The following MATCAP2 variants were observed in gnomAD, a reference collection of about 807,000 sequenced individuals.
MATCAP2 encodes microtubule associated tyrosine carboxypeptidase 2, also known as putative tyrosine carboxypeptidase MATCAP2.
At chr7:36,372,085 A>C in the MATCAP2 span, among the ~76,000 whole-genome samples, 14 of 152,206 alleles carry the variant, frequency 9.2e-5, no homozygotes, top group South Asian at 1.5e-3. Flanking sequence ...CTGAAAAAAA[A>C]AAAGTTTAAT....
At chr7:36,336,721 T>G in the MATCAP2 span, among the ~76,000 whole-genome samples, 1 of 151,486 alleles carries the variant, frequency 6.6e-6, no homozygotes, top group Non-Finnish European at 1.5e-5. Context: ...AAAAAAAAAA[T>G]TTCAGAATTT....
the MATCAP2 span, among the ~76,000 whole-genome samples, chr7:36,369,718 C>T: frequency 6.6e-6 from 1 of 152,030 alleles, no homozygotes; most frequent in African/African-American, 2.4e-5. Context: ...GATACCTATC[C>T]TCAAGGACAG....
At chr7:36,337,518 A>G in the MATCAP2 span, 1 of 152,230 alleles carries the variant, frequency 6.6e-6, no homozygotes, top group Non-Finnish European at 1.5e-5. Context: ...CATGTCATAT[A>G]AAGTCTGTAG....
At chr7:36,332,208 T>C in the MATCAP2 span, among the ~76,000 whole-genome samples, 2 of 152,058 alleles carry the variant, frequency 1.3e-5, no homozygotes, top group Non-Finnish European at 2.9e-5. Context: ...AAAGGCAACA[T>C]GGAAGCCCTG....
At chr7:36,388,335 C>T in the MATCAP2 span, among the ~76,000 whole-genome samples, 2 of 151,558 alleles carry the variant, frequency 1.3e-5, no homozygotes, top group Non-Finnish European at 2.9e-5. Flanking sequence ...ACCGATTTGG[C>T]TAACTGGGTG....
chr7:36,350,456 G>A, the MATCAP2 span, among the ~76,000 whole-genome samples: 1 of 151,900 alleles, frequency 6.6e-6, no homozygotes. Context: ...TGGTGAATCA[G>A]AGGTAGCAAA....
the MATCAP2 span, chr7:36,335,271 C>G: frequency 1.7e-6 from 2 of 1,194,648 alleles, no homozygotes; most frequent in Non-Finnish European, 2.4e-6. Flanking sequence ...TGTAAATTAA[C>G]ACTGTTTTTT....
At chr7:36,346,007 A>G in the MATCAP2 span, among the ~76,000 whole-genome samples, 203 of 152,334 alleles carry the variant, frequency 1.3e-3, no homozygotes, top group Middle Eastern at 0.014. Context: ...AAAATTGGCA[A>G]AGGATCTGAA....
the MATCAP2 span, among the ~76,000 whole-genome samples, chr7:36,334,451 A>G: frequency 6.8e-6 from 1 of 146,896 alleles, no homozygotes; most frequent in Non-Finnish European, 1.5e-5. Flanking sequence ...GAAGAGGATC[A>G]CTTAAGCCTG....
chr7:36,348,245 G>A, the MATCAP2 span, among the ~76,000 whole-genome samples: 1 of 152,104 alleles, frequency 6.6e-6, no homozygotes, highest in Non-Finnish European at 1.5e-5. Context: ...TTGCTTCCTG[G>A]TAGCAAATTA....
chr7:36,376,035 A>G, the MATCAP2 span, among the ~76,000 whole-genome samples: 1 of 152,136 alleles, frequency 6.6e-6, no homozygotes, highest in East Asian at 1.9e-4. Flanking sequence ...TTTTCAAAAA[A>G]CCAGCTCCTG....
At chr7:36,366,858 C>A in the MATCAP2 span, 1 of 1,499,874 alleles carries the variant, frequency 6.7e-7, no homozygotes, top group Non-Finnish European at 8.8e-7. Flanking sequence ...GAGCCCCGGG[C>A]GGCGGGACCC....
chr7:36,338,192 T>C, the MATCAP2 span, among the ~76,000 whole-genome samples: 1 of 152,198 alleles, frequency 6.6e-6, no homozygotes, highest in Non-Finnish European at 1.5e-5. Flanking sequence ...TGGGGGTAAA[T>C]TCTGCATCTG....
chr7:36,333,322 TGAAAA>T, the MATCAP2 span, among the ~76,000 whole-genome samples: 825 of 152,220 alleles, frequency 5.4e-3, 6 homozygotes, highest in African/African-American at 0.019. Flanking sequence ...AATCTAGAGA[TGAAAA>T]GAACACCAAA....
At chr7:36,353,264 G>A in the MATCAP2 span, among the ~76,000 whole-genome samples, 1 of 152,126 alleles carries the variant, frequency 6.6e-6, no homozygotes, top group Non-Finnish European at 1.5e-5. Flanking sequence ...GGGCGACAGA[G>A]CAAGACCCTG....
At chr7:36,352,179 T>G in the MATCAP2 span, among the ~76,000 whole-genome samples, 1 of 151,922 alleles carries the variant, frequency 6.6e-6, no homozygotes, top group African/African-American at 2.4e-5. Flanking sequence ...GTGGATTACC[T>G]GAGGTCAGGA....
the MATCAP2 span, chr7:36,357,381 A>T: frequency 6.2e-7 from 1 of 1,614,100 alleles, no homozygotes; most frequent in Non-Finnish European, 8.5e-7. Flanking sequence ...CTTTTGGAGT[A>T]GGTGGAGGAA....
chr7:36,385,858 A>AAAAT, the MATCAP2 span, among the ~76,000 whole-genome samples: 6 of 148,886 alleles, frequency 4.0e-5, no homozygotes, highest in African/African-American at 1.5e-4. Flanking sequence ...AAAATAAGAT[A>AAAAT]AAGAAAGAAC....
At chr7:36,337,429 A>C in the MATCAP2 span, among the ~76,000 whole-genome samples, 1 of 152,196 alleles carries the variant, frequency 6.6e-6, no homozygotes, top group Admixed American at 6.5e-5. Flanking sequence ...ATTGCTTTTC[A>C]AAGGCCTTTT....
Sources: allele counts gnomAD v4.1 joint callset (sites outside exome capture counted in the v4.1 genomes callset), GRCh38; gene constraint gnomAD v4.1.1; transcripts MANE v1.5; gene names NCBI Gene and HGNC (gene_info 2026-07-23, HGNC 2026-07-21).